VPS26A: variants seen among roughly 807,000 people sequenced by gnomAD.
VPS26A encodes vacuolar protein sorting-associated protein 26A.
VPS26A carries 22 observed loss-of-function variants against 42.4 expected under a neutral mutation model. The observed-to-expected ratio is 0.52, with a 90% CI of 0.37 to 0.74. The LOEUF (loss-of-function observed/expected upper bound fraction) is 0.74, where lower values mean the gene tolerates loss of function less well. VPS26A is among the 30% of genes least tolerant of loss of function. The probability of loss-of-function intolerance (pLI) is 0.00; values close to 1 mark genes in which losing one functional copy is unlikely to be tolerated. For synonymous variants in VPS26A, 110 were observed against 123.5 expected (o/e 0.89, Z 0.73); for missense variants, 276 against 379.2 (o/e 0.73, Z 2.26).
rs1220100433 is a variant in VPS26A, at chr10:69,139,545, G to A, written c.153+6498G>A. On this transcript the variant is annotated intron_variant, in intron 2 of 8. Transcript: ENST00000263559. ...TCTCAAACTCCTGACCTTGTGATCCGCCTGCCTTGGCCTCCCAAAGTGCTG... is the reference window on the plus strand; with the variant it reads ...TCTCAAACTCCTGACCTTGTGATCCACCTGCCTTGGCCTCCCAAAGTGCTG... Among the ~76,000 whole-genome samples, 10 of 152,076 alleles carry A rather than the reference G, an allele frequency of 6.6e-5. No individual in the cohort carries two copies. In the South Asian group the frequency reaches 1.2e-3, roughly 19 times the overall value.
chr10:69,152,226 A>G (rs1240321938), intron 2 of VPS26A, among the ~76,000 whole-genome samples: 2 of 152,118 alleles, frequency 1.3e-5, no homozygotes, highest in Non-Finnish European at 2.9e-5. Flanking sequence ...CAAAACAAAA[A>G]CTTAAAAACC....
At chr10:69,137,167 C>T (rs1345310601) in intron 2 of VPS26A, among the ~76,000 whole-genome samples, 1 of 152,146 alleles carries the variant, frequency 6.6e-6, no homozygotes, top group African/African-American at 2.4e-5. Flanking sequence ...TTCTCAATAA[C>T]TTATATAAAC....
chr10:69,132,431 G>GTTTTTTTTT (rs3086557), intron 1 of VPS26A, among the ~76,000 whole-genome samples: 9 of 141,240 alleles, frequency 6.4e-5, no homozygotes, highest in Non-Finnish European at 9.1e-5. Context: ...TTTTGATGTA[G>GTTTTTTTTT]TTTTTTTTTT....
chr10:69,167,534 G>A (rs1163095113), intron 7 of VPS26A, among the ~76,000 whole-genome samples: 1 of 151,918 alleles, frequency 6.6e-6, no homozygotes, highest in South Asian at 2.1e-4. Context: ...TCAGGAGTTC[G>A]AGACTGGTCA....
At chr10:69,150,542 C>T (rs545565803) in intron 2 of VPS26A, among the ~76,000 whole-genome samples, 1 of 152,034 alleles carries the variant, frequency 6.6e-6, no homozygotes, top group South Asian at 2.1e-4. Context: ...GGACTACAGG[C>T]GCCTGCCACC....
chr10:69,170,370 G>A (rs551974578), intron 8 of VPS26A: 7 of 152,196 alleles, frequency 4.6e-5, no homozygotes, highest in African/African-American at 1.7e-4. Context: ...ACTATTGGAG[G>A]TAAGTCTGTT....
chr10:69,125,081 C>G (rs1456752764), intron 1 of VPS26A, among the ~76,000 whole-genome samples: 3 of 152,110 alleles, frequency 2.0e-5, no homozygotes, highest in African/African-American at 7.2e-5. Context: ...TCTCATTTTA[C>G]CCATTTTCTG....
intron 2 of VPS26A, among the ~76,000 whole-genome samples, chr10:69,152,339 T>A (rs1177634738): frequency 2.0e-5 from 3 of 152,250 alleles, no homozygotes; most frequent in Non-Finnish European, 4.4e-5. Flanking sequence ...AATCGGCATA[T>A]ACTTGTATAC....
intron 2 of VPS26A, among the ~76,000 whole-genome samples, chr10:69,137,595 A>G (rs926019362): frequency 6.6e-6 from 1 of 152,076 alleles, no homozygotes; most frequent in Non-Finnish European, 1.5e-5. Flanking sequence ...ATCTTCTTTT[A>G]AAGAGCTTAC....
chr10:69,153,761 A>G (rs1323126161), intron 2 of VPS26A, among the ~76,000 whole-genome samples: 2 of 152,076 alleles, frequency 1.3e-5, no homozygotes, highest in Admixed American at 1.3e-4. Context: ...GCTTGAGGCC[A>G]GGTGTTCGAG....
At chr10:69,157,839 A>C (rs1468362629) in intron 4 of VPS26A, among the ~76,000 whole-genome samples, 1 of 152,192 alleles carries the variant, frequency 6.6e-6, no homozygotes, top group Non-Finnish European at 1.5e-5. Flanking sequence ...AAGTATTTAC[A>C]CTATTCTTAA....
At chr10:69,131,008 CAA>C (rs1490399251) in intron 1 of VPS26A, among the ~76,000 whole-genome samples, 14 of 151,694 alleles carry the variant, frequency 9.2e-5, no homozygotes, top group Admixed American at 8.5e-4. Context: ...TTTCTGGAGA[CAA>C]ATTCTTGCTC....
intron 1 of VPS26A, among the ~76,000 whole-genome samples, chr10:69,130,497 A>G (rs928631867): frequency 1.3e-5 from 2 of 152,276 alleles, no homozygotes; most frequent in Non-Finnish European, 2.9e-5. Flanking sequence ...CTAGTGTCAG[A>G]TATATGTAGA....
chr10:69,155,730 T>C, intron 2 of VPS26A, 82 bp from the exon 3 acceptor site: 1 of 968,412 alleles, frequency 1.0e-6, no homozygotes, highest in Non-Finnish European at 1.6e-6. Context: ...AATATTTATA[T>C]ATTGCATTCA....
chr10:69,165,937 C>A, intron 6 of VPS26A, 105 bp from the exon 7 acceptor site: 1 of 1,114,612 alleles, frequency 9.0e-7, no homozygotes. Flanking sequence ...TGGAGCGAGA[C>A]ACCGTCTCTA....
intron 7 of VPS26A, among the ~76,000 whole-genome samples, chr10:69,167,818 A>C (rs1841724485): frequency 6.6e-6 from 1 of 151,908 alleles, no homozygotes; most frequent in South Asian, 2.1e-4. Context: ...AATCTGAATA[A>C]CAGTCTTTTT....
Position 69,158,047 on chromosome 10 carries a change from G to C in VPS26A, c.387G>C (p.Arg129Ser). Reference sequence around the variant, plus strand: ...CATCGACTCTCTTTTAACTTTGTAGGTATTTTCTTAAAGTGACAATAGTGA... The same window carrying C: ...CATCGACTCTCTTTTAACTTTGTAGCTATTTTCTTAAAGTGACAATAGTGA... Reference protein sequence around the residue: ...ESYIGANVRLRYFLKVTIVRR... With the variant: ...ESYIGANVRLSYFLKVTIVRR... Residue 129 changes from arginine to serine, a missense_variant and splice_region_variant, in exon 5 of 9, where the codon AGG (arginine) becomes AGC (serine). Coordinates refer to ENST00000263559, the MANE Select transcript of VPS26A (RefSeq NM_004896.5). 1.3e-6 allele frequency: 2 copies of C among 1,593,042 alleles called. No individual in the cohort carries two copies. Among genetic ancestry groups the C allele is most frequent in the Non-Finnish European group, 1.7e-6 (2 of 1,173,276 alleles).
chr10:69,132,927 T>A lies in VPS26A; in HGVS notation c.33T>A (p.Ile11=). The A allele has an allele frequency of 6.3e-7, 1 of 1,594,228 alleles. No individual in the cohort carries two copies. Among genetic ancestry groups the A allele is most frequent in the Non-Finnish European group, 8.5e-7 (1 of 1,175,602 alleles). Residue 11 remains isoleucine (I), a synonymous_variant, in exon 2 of 9, where the codon ATT becomes ATA. Coordinates refer to ENST00000263559, the MANE Select transcript of VPS26A (RefSeq NM_004896.5). The part of the protein sequence containing the change: MSFLGGFFGP[I]CEIDIVLNDG... ...TTCTTGGAGGCTTTTTTGGTCCAAT[T>A]TGTGAGATCGATATTGTTCTTAATG...
At chr10:69,128,033 A>G (rs1840700169) in intron 1 of VPS26A, among the ~76,000 whole-genome samples, 1 of 151,734 alleles carries the variant, frequency 6.6e-6, no homozygotes, top group Non-Finnish European at 1.5e-5. Context: ...TCTTGCATCC[A>G]GAAAATAATA....
Sources: gnomAD v4.1 joint callset for allele counts (sites outside exome capture counted in the v4.1 genomes callset) on GRCh38, gnomAD v4.1.1 for gene constraint, MANE v1.5 for transcripts, NCBI Gene and HGNC (gene_info 2026-07-23, HGNC 2026-07-21) for gene names.